CNIH3: variants seen among roughly 807,000 people sequenced by gnomAD.
CNIH3 encodes the protein protein cornichon homolog 3.
A neutral mutation model predicts 24.1 loss-of-function variants in CNIH3; 14 were observed. That is an observed-to-expected ratio of 0.58 (90% confidence interval 0.38 to 0.91). The LOEUF (loss-of-function observed/expected upper bound fraction) is 0.91. Among genes scored for constraint, CNIH3 ranks in the 40% least tolerant of loss-of-function variants. The probability of loss-of-function intolerance (pLI) is 0.00; values close to 1 mark genes in which losing one functional copy is unlikely to be tolerated. For synonymous variants in CNIH3, 68 were observed against 73.8 expected (o/e 0.92, Z 0.40); for missense variants, 178 against 196.8 (o/e 0.90, Z 0.57).
intron 1 of CNIH3, among the ~76,000 whole-genome samples, chr1:224,644,984 G>A (rs1348871685): frequency 6.6e-6 from 1 of 152,236 alleles, no homozygotes. Context: ...GACTGTGGAA[G>A]CATTTCACAC....
chr1:224,521,202 A>T (rs967498035), exon 2 of CNIH3: 5 of 152,062 alleles, frequency 3.3e-5, no homozygotes, highest in African/African-American at 1.2e-4. Flanking sequence ...AAATTCACCC[A>T]TTAAATAATC....
chr1:224,529,491 AG>A (rs1274994969), intron 2 of CNIH3: 1 of 152,254 alleles, frequency 6.6e-6, no homozygotes, highest in African/African-American at 2.4e-5. Flanking sequence ...ATGTGACACA[AG>A]GATGCTATCA....
chr1:224,673,193 T>C (rs1035375731), intron 1 of CNIH3, among the ~76,000 whole-genome samples: 7 of 152,218 alleles, frequency 4.6e-5, no homozygotes, highest in African/African-American at 1.4e-4. Flanking sequence ...GTCATGTCCA[T>C]GCAACTCCTT....
chr1:224,617,459 T>G (rs1373650943), intron 1 of CNIH3, among the ~76,000 whole-genome samples: 1 of 151,956 alleles, frequency 6.6e-6, no homozygotes, highest in East Asian at 1.9e-4. Flanking sequence ...GGGCCGCTGG[T>G]GCCCAGGTAG....
At chr1:224,484,822 GA>G (rs1379224432) in intron 1 of CNIH3, among the ~76,000 whole-genome samples, 1 of 152,104 alleles carries the variant, frequency 6.6e-6, no homozygotes, top group Non-Finnish European at 1.5e-5. Flanking sequence ...TTAATCTCTA[GA>G]AGTTTGATAA....
At chr1:224,649,881 C>G (rs1684787025) in intron 1 of CNIH3, among the ~76,000 whole-genome samples, 1 of 152,174 alleles carries the variant, frequency 6.6e-6, no homozygotes, top group South Asian at 2.1e-4. Context: ...TGTGTGCAAG[C>G]TTAAACAGCC....
chr1:224,491,180 T>C (rs1215698041), intron 1 of CNIH3, among the ~76,000 whole-genome samples: 1 of 152,226 alleles, frequency 6.6e-6, no homozygotes, highest in African/African-American at 2.4e-5. Flanking sequence ...ATTAGTGTAT[T>C]TACTGAGCTG....
intron 1 of CNIH3, among the ~76,000 whole-genome samples, chr1:224,621,360 C>T (rs1307803540): frequency 2.6e-5 from 4 of 152,236 alleles, no homozygotes; most frequent in Non-Finnish European, 5.9e-5. Context: ...CTCAGTTTCT[C>T]ACAGTACCCA....
At chr1:224,555,593 A>G (rs1262789108) in intron 3 of CNIH3, among the ~76,000 whole-genome samples, 1 of 152,234 alleles carries the variant, frequency 6.6e-6, no homozygotes. Context: ...TTTCTCACCC[A>G]CACTTGGAAT....
intron 3 of CNIH3, among the ~76,000 whole-genome samples, chr1:224,605,353 C>A (rs1682374895): frequency 6.6e-6 from 1 of 152,230 alleles, no homozygotes; most frequent in Non-Finnish European, 1.5e-5. Context: ...TCTGACATGT[C>A]TGACTCCATC....
chr1:224,444,400 C>T (rs143473719), intron 1 of CNIH3, among the ~76,000 whole-genome samples: 2,066 of 152,138 alleles, frequency 0.014, 57 homozygotes, highest in African/African-American at 0.046. Flanking sequence ...GACAGAGTCT[C>T]GCTCTGTTGC....
At chr1:224,485,779 T>C (rs1677004937) in intron 1 of CNIH3, among the ~76,000 whole-genome samples, 1 of 152,216 alleles carries the variant, frequency 6.6e-6, no homozygotes, top group South Asian at 2.1e-4. Context: ...TTCTTTCTTT[T>C]AAAACTTTAA....
At chr1:224,685,757 TAATC>T (rs976766195) in intron 3 of CNIH3, among the ~76,000 whole-genome samples, 7 of 152,224 alleles carry the variant, frequency 4.6e-5, no homozygotes, top group African/African-American at 1.7e-4. Flanking sequence ...AGAGAGAGCT[TAATC>T]AAGCAGCCGG....
intron 1 of CNIH3, among the ~76,000 whole-genome samples, chr1:224,489,179 A>G (rs1204774179): frequency 1.3e-5 from 2 of 152,068 alleles, no homozygotes; most frequent in Non-Finnish European, 2.9e-5. Flanking sequence ...GCTGAATTCA[A>G]ATGCTAAACT....
At chr1:224,452,052 C>T (rs768802536) in intron 1 of CNIH3, among the ~76,000 whole-genome samples, 16 of 152,118 alleles carry the variant, frequency 1.1e-4, no homozygotes, top group Non-Finnish European at 2.2e-4. Flanking sequence ...TGTCAGCTGC[C>T]ACTTGTATTT....
chr1:224,571,266 G>A lies in CNIH3; in HGVS notation n.516+5002G>A, dbSNP rs1471355970. Among the ~76,000 whole-genome samples, 4 of 152,276 alleles carry A rather than the reference G, an allele frequency of 2.6e-5. No homozygotes were observed. In the East Asian group the frequency reaches 5.8e-4, roughly 22 times the overall value. ...TTTTGAGGTCTCTCTTTTGAGAGTG[G>A]CCCTAATGCAAGATTGTCACTCTTT... On this transcript the variant is annotated intron_variant and non_coding_transcript_variant, in intron 4 of 5. Coordinates refer to the CNIH3 transcript ENST00000471578.
intron 3 of CNIH3, among the ~76,000 whole-genome samples, chr1:224,602,436 T>C (rs1057138742): frequency 2.0e-5 from 3 of 152,234 alleles, no homozygotes; most frequent in African/African-American, 7.2e-5. Flanking sequence ...TTTCTGAAAT[T>C]GATCTTTTGA....
rs1459180248 is a variant in CNIH3, at chr1:224,493,468, T to C, written n.204-22273T>C. 2.0e-5 allele frequency among the ~76,000 whole-genome samples: 3 copies of C among 152,246 alleles called. No homozygotes were observed. In the East Asian group the frequency reaches 5.8e-4, roughly 29 times the overall value. ...TGCTTCTTTAAATGTAGTTTCAACCTACCCCGAGGGCTCAAGGAAGGGGTG... is the reference window on the plus strand; with the variant it reads ...TGCTTCTTTAAATGTAGTTTCAACCCACCCCGAGGGCTCAAGGAAGGGGTG... On this transcript the variant is annotated intron_variant and non_coding_transcript_variant, in intron 1 of 5. Transcript: ENST00000471578.
intron 3 of CNIH3, among the ~76,000 whole-genome samples, chr1:224,685,199 C>G (rs956691805): frequency 6.6e-5 from 10 of 152,176 alleles, no homozygotes; most frequent in Non-Finnish European, 1.2e-4. Context: ...AGGAACACTC[C>G]CCGCCGACCT....
Sources: gnomAD v4.1 joint callset for allele counts (sites outside exome capture counted in the v4.1 genomes callset) on GRCh38, gnomAD v4.1.1 for gene constraint, MANE v1.5 for transcripts, NCBI Gene and HGNC (gene_info 2026-07-23, HGNC 2026-07-21) for gene names.